The following CROCC variants were observed in gnomAD, a reference collection of about 807,000 sequenced individuals.
The protein encoded by CROCC is ciliary rootlet coiled-coil, rootletin.
Under a neutral mutation model 245.2 loss-of-function variants are expected in CROCC, and 180 were observed. The ratio of observed to expected loss-of-function variants is 0.73; its 90% confidence interval spans 0.65 to 0.83. The LOEUF is 0.83. Among genes scored for constraint, CROCC ranks in the 40% least tolerant of loss-of-function variants. The pLI is 0.00. For missense variants in CROCC, 2,688 were observed against 2,779.4 expected (o/e 0.97, Z 0.74); for synonymous variants, 1,205 against 1,241.6 (o/e 0.97, Z 0.62).
chr1:16,919,860 C>T (rs2075366830), upstream of CROCC, among the ~76,000 whole-genome samples: 1 of 152,228 alleles, frequency 6.6e-6, no homozygotes, highest in Non-Finnish European at 1.5e-5. Context: ...GATTATAGAC[C>T]TGAATCACCA....
chr1:16,960,867 T>G lies in CROCC; in HGVS notation c.4142T>G (p.Leu1381Arg). The part of the protein sequence containing the change: ...EEARGTEKQQ[L>R]DHARGLELKL... ...GCGCGTGGCACTGAAAAGCAGCAGC[T>G]GGACCACGCCCGCGGCCTGGAGCTG... Residue 1381 changes from leucine (L) to arginine (R), a missense_variant, in exon 27 of 37, where the codon CTG becomes CGG. Physicochemically the swap from Leu to Arg is moderately radical, Grantham distance 102 (BLOSUM62 -2). Coordinates refer to ENST00000375541, the MANE Select transcript of CROCC (RefSeq NM_014675.5). 1.3e-6 allele frequency: 2 copies of G among 1,516,938 alleles called. No homozygotes were observed. Among genetic ancestry groups the G allele is most frequent in the Non-Finnish European group, 1.8e-6 (2 of 1,138,978 alleles). 94.0% of individuals were successfully genotyped at this position (1,516,938 alleles called of 1,614,324 possible). A position where few individuals can be genotyped will look rare whatever the true frequency, so the allele number is the denominator to read the frequency against.
In CROCC at chr1:16,954,956, C is replaced by T. The variant is rs530516233; in HGVS notation, c.3465+79C>T. 4.1e-5 allele frequency: 58 copies of T among 1,429,758 alleles called. No individual in the cohort carries two copies. The African/African-American group carries it at 7.2e-4, about 18-fold the overall frequency. 88.6% of individuals were successfully genotyped at this position (1,429,758 alleles called of 1,614,324 possible). A position where few individuals can be genotyped will look rare whatever the true frequency, so the allele number is the denominator to read the frequency against. On this transcript the variant is annotated intron_variant, in intron 23 of 36. Transcript: ENST00000375541. This position sits in a 1 kb window ranked among gnomAD's most constrained non-coding sequence, Gnocchi z 4.4. ...CTGGGGGCCTAGTTCCCCAGGGCCC[C>T]AGAAGAGTGTAAGATTCCTCCCTGC...
At chr1:16,925,377 G>C (rs2075512235) in intron 3 of CROCC, among the ~76,000 whole-genome samples, 1 of 152,286 alleles carries the variant, frequency 6.6e-6, no homozygotes, top group African/African-American at 2.4e-5. Context: ...CAGAGGCTCA[G>C]GGAGGGGAAG....
In CROCC at chr1:16,958,689, C is replaced by T. The variant is rs1403459979; in HGVS notation, c.3971C>T (p.Thr1324Ile). The change falls in exon 26 of 37, where the codon ACC becomes ATC. Residue 1324 changes from threonine (T) to isoleucine (I), a missense_variant. This residue lies in a region of CROCC where 1,218 missense variants were observed against 1,286.3 expected (regional missense o/e 0.95). Transcript: ENST00000375541. ...ERAEKESRRE[T>I]LGLRQRLLKG... ...GCAGAGAAGGAGAGCAGGCGGGAGA[C>T]CCTGGGCCTCCGGCAGAGGCTGCTG... The T allele has an allele frequency of 1.9e-6, 3 of 1,558,338 alleles. No homozygotes were observed. In the African/African-American group the frequency reaches 4.1e-5, roughly 21 times the overall value.
At chr1:16,950,197 G>T (rs1422951753) in intron 19 of CROCC, among the ~76,000 whole-genome samples, 1 of 151,602 alleles carries the variant, frequency 6.6e-6, no homozygotes, top group Non-Finnish European at 1.5e-5. Context: ...CCAAGTAGCT[G>T]GGACTACATA....
Position 16,937,765 on chromosome 1 carries a change from G to A in CROCC, c.1290+28G>A, listed in dbSNP as rs368591136. The A allele has an allele frequency of 9.5e-6, 15 of 1,577,320 alleles. No homozygotes were observed. In the South Asian group the frequency reaches 1.1e-4, roughly 12 times the overall value. The stretch of plus-strand genomic sequence containing the variant: ...GAGCTGCAGGTGCCCCTGAGATGGG[G>A]CAGGGTGAGATGGGGTACCGGCCAG... On this transcript the variant is annotated intron_variant, in intron 10 of 36. Coordinates refer to ENST00000375541, the MANE Select transcript of CROCC (RefSeq NM_014675.5).
intron 17 of CROCC, among the ~76,000 whole-genome samples, chr1:16,947,616 T>C (rs1311961506): frequency 1.3e-5 from 2 of 152,212 alleles, no homozygotes; most frequent in Non-Finnish European, 2.9e-5. Flanking sequence ...TCATGCAAGG[T>C]CTATCCTGGA....
At position 16,938,954 on chromosome 1, in the gene CROCC, G is replaced by A. The variant is rs1263576257; in HGVS notation, c.1420G>A (p.Glu474Lys). 2 of 1,605,450 alleles carry A rather than the reference G, an allele frequency of 1.2e-6. No individual in the cohort carries two copies. The highest frequency in any genetic ancestry group is 1.3e-5 in the African/African-American group (1 of 74,482). The change falls in exon 12 of 37, where the codon GAG (glutamate) becomes AAG (lysine). Residue 474 changes from glutamate to lysine, a missense_variant. By Grantham distance (56) the Glu-to-Lys change is moderately conservative (BLOSUM62 1). Coordinates refer to ENST00000375541, the MANE Select transcript of CROCC (RefSeq NM_014675.5). Reference sequence around the variant, plus strand: ...GAGCGGCGTCCAGCTGAGCGGCTCTGAGCGCACCGCGGATGCTTCCAACGG... The same window carrying A: ...GAGCGGCGTCCAGCTGAGCGGCTCTAAGCGCACCGCGGATGCTTCCAACGG... ...SESGVQLSGS[E>K]RTADASNGSL...
rs747368636 is a variant in CROCC at position 16,945,555 on chromosome 1, A to G, written c.2085A>G (p.Gln695=). The change falls in exon 15 of 37, where the codon CAA becomes CAG. Residue 695 remains glutamine, a synonymous_variant. Coordinates refer to ENST00000375541, the MANE Select transcript of CROCC (RefSeq NM_014675.5). ...AGGCGCTGAGCCGCGCCACACTGCA[A>G]CGGGACATGCTGCAGGCCGAGAAGG... ...VREALSRATL[Q]RDMLQAEKAE... is the part of the protein sequence containing the mutation. The G allele has an allele frequency of 8.7e-5, 140 of 1,612,334 alleles. No homozygotes were observed. The highest frequency in any genetic ancestry group is 1.7e-6 in the Non-Finnish European group (2 of 1,179,916).
intron 2 of CROCC, 48 bp downstream of exon 2, chr1:16,922,846 C>T (rs1157951074): frequency 6.3e-7 from 1 of 1,590,862 alleles, no homozygotes; most frequent in South Asian, 1.1e-5. Context: ...CACATTTTAC[C>T]TCTTCTCATG....
At chr1:16,939,779 C>G in intron 12 of CROCC, 115 bp from the exon 13 acceptor site, 3 of 1,303,542 alleles carry the variant, frequency 2.3e-6, no homozygotes, top group Non-Finnish European at 3.2e-6. Context: ...AGGCCAGGTC[C>G]AGGCCCTGGA....
At position 16,938,913 on chromosome 1, in the gene CROCC, T is replaced by C; in HGVS notation, c.1379T>C (p.Val460Ala). Residue 460 changes from valine to alanine, a missense_variant, in exon 12 of 37, where the codon GTC becomes GCC. Val to Ala is a moderately conservative substitution (Grantham distance 64). This residue lies in a region of CROCC where 972 missense variants were observed against 895.3 expected (regional missense o/e 1.09). Coordinates refer to ENST00000375541, the MANE Select transcript of CROCC (RefSeq NM_014675.5). Reference protein sequence around the residue: ...QQTLRDLAQAVLSDSESGVQL... With the variant: ...QQTLRDLAQAALSDSESGVQL... Reference sequence around the variant, plus strand: ...GCCTCCCTCCCCCACCCTCAGGCCGTCTTGTCAGACTCTGAGAGCGGCGTC... The same window carrying C: ...GCCTCCCTCCCCCACCCTCAGGCCGCCTTGTCAGACTCTGAGAGCGGCGTC... The C allele has an allele frequency of 6.2e-7, 1 of 1,603,698 alleles. No homozygotes were observed. The highest frequency in any genetic ancestry group is 1.1e-5 in the South Asian group (1 of 89,724).
rs774028875 is a variant in CROCC, at chr1:16,948,409, G to A, written c.2593G>A (p.Glu865Lys). The A allele has an allele frequency of 6.3e-7, 1 of 1,575,264 alleles. No homozygotes were observed. Among genetic ancestry groups the A allele is most frequent in the East Asian group, 2.3e-5 (1 of 43,828 alleles). ...REAQRQVEAL[E>K]RAAREKEALA... The stretch of plus-strand genomic sequence containing the variant: ...GGCCCAGCGGCAAGTGGAGGCGCTG[G>A]AGCGAGCGGCCCGTGAGAAGGAGGC... Residue 865 changes from glutamate to lysine, a missense_variant, in exon 18 of 37, where the codon GAG (glutamate) becomes AAG (lysine). By Grantham distance (56) the Glu-to-Lys change is moderately conservative. Coordinates refer to ENST00000375541, the MANE Select transcript of CROCC (RefSeq NM_014675.5).
rs547792581 is a variant in CROCC at position 16,931,222 on chromosome 1, G to A, written c.850-69G>A. 5 of 1,366,218 alleles carry A rather than the reference G, an allele frequency of 3.7e-6. No homozygotes were observed. The South Asian group carries it at 4.8e-5, about 13-fold the overall frequency. 84.6% of individuals were successfully genotyped at this position (1,366,218 alleles called of 1,614,324 possible). On this transcript the variant is annotated intron_variant, in intron 7 of 36. Transcript: ENST00000375541. ...GGTGCCTCCCAGGATGGTCGGAGAT[G>A]AGGGAAGCAGTGGGAGGGAGTAAAC...
In CROCC at chr1:16,938,958, G is replaced by A. The variant is rs781213219; in HGVS notation, c.1424G>A (p.Arg475His). 6.9e-6 allele frequency: 11 copies of A among 1,604,420 alleles called. No homozygotes were observed. Among genetic ancestry groups the A allele is most frequent in the Non-Finnish European group, 8.5e-6 (10 of 1,177,474 alleles). The change falls in exon 12 of 37, where the codon CGC becomes CAC. Residue 475 changes from arginine to histidine, a missense_variant. Transcript: ENST00000375541. ...ESGVQLSGSE[R>H]TADASNGSLR... ...GGCGTCCAGCTGAGCGGCTCTGAGC[G>A]CACCGCGGATGCTTCCAACGGCAGC...
rs146188645 is a variant in CROCC, at chr1:16,950,648, G to T, written c.2837-305G>T. On this transcript the variant is annotated intron_variant, in intron 19 of 36. Transcript: ENST00000375541. ...GCTGGGATTACAGGCGTGAGCCAAGGCACCTGACCTAGGGTTGTTATATGT... is the reference window on the plus strand; with the variant it reads ...GCTGGGATTACAGGCGTGAGCCAAGTCACCTGACCTAGGGTTGTTATATGT... Among the ~76,000 whole-genome samples, 820 of 152,380 alleles carry T rather than the reference G, an allele frequency of 5.4e-3. 1 individual carries two copies. Among genetic ancestry groups the T allele is most frequent in the African/African-American group, 0.019 (780 of 41,584 alleles).
chr1:16,963,624 C>T (rs1331061009), intron 27 of CROCC, among the ~76,000 whole-genome samples: 3 of 152,024 alleles, frequency 2.0e-5, no homozygotes, highest in African/African-American at 2.4e-5. Context: ...TGGCAGGACC[C>T]GTGTCCTGCA....
chr1:16,972,236 C>A, intron 36 of CROCC, 124 bp from the exon 37 acceptor site: 1 of 790,000 alleles, frequency 1.3e-6, no homozygotes, highest in Non-Finnish European at 2.2e-6. Context: ...CAGCCCCTGG[C>A]TCTCAGTGAG....
chr1:16,923,674 CTTTTTTT>C (rs61063425), intron 2 of CROCC, among the ~76,000 whole-genome samples: 5 of 103,496 alleles, frequency 4.8e-5, no homozygotes, highest in Non-Finnish European at 9.5e-5. Context: ...ACTATTCTAC[CTTTTTTT>C]TTTTTTTTTT....
Sources: allele counts gnomAD v4.1 joint callset (sites outside exome capture counted in the v4.1 genomes callset), GRCh38; gene constraint gnomAD v4.1.1; regional missense constraint gnomAD v4.1.1; non-coding constraint Gnocchi (gnomAD v3.1); transcripts MANE v1.5; gene names NCBI Gene and HGNC (gene_info 2026-07-23, HGNC 2026-07-21).